The following BTG4 variants were observed in gnomAD, a reference collection of about 807,000 sequenced individuals.
BTG4 encodes BTG anti-proliferation factor 4, also known as protein BTG4.
In BTG4, 10 loss-of-function variants were observed where a neutral mutation model predicts 19.3. The ratio of observed to expected loss-of-function variants is 0.52; its 90% CI spans 0.32 to 0.88. BTG4 has a LOEUF of 0.88. Ranked by LOEUF, BTG4 falls within the 40% of genes least tolerant of loss-of-function variation. The pLI is 0.04. For missense variants in BTG4, 238 were observed against 281.9 expected (o/e 0.84, Z 1.11); for synonymous variants, 91 against 95.7 (o/e 0.95, Z 0.29).
At chr11:111,442,757 A>G in the BTG4 span, among the ~76,000 whole-genome samples, 3 of 152,186 alleles carry the variant, frequency 2.0e-5, no homozygotes, top group African/African-American at 4.8e-5. Flanking sequence ...ATGAATACCT[A>G]TAAGTCCATA....
the BTG4 span, among the ~76,000 whole-genome samples, chr11:111,407,278 T>C: frequency 6.6e-6 from 1 of 150,734 alleles, no homozygotes; most frequent in Non-Finnish European, 1.5e-5. Flanking sequence ...ATATATACTA[T>C]TATGAAAATG....
intron 1 of BTG4, among the ~76,000 whole-genome samples, chr11:111,506,148 C>T (rs1866441613): frequency 6.6e-6 from 1 of 152,096 alleles, no homozygotes; most frequent in Non-Finnish European, 1.5e-5. Flanking sequence ...GAAAAGAAAT[C>T]ATTATATCAA....
the BTG4 span, among the ~76,000 whole-genome samples, chr11:111,433,015 T>A: frequency 2.0e-5 from 3 of 152,096 alleles, no homozygotes; most frequent in African/African-American, 4.8e-5. Flanking sequence ...CTGTCTCCCC[T>A]GGAAGTAGTT....
the BTG4 span, chr11:111,435,110 GGAGGA>G: frequency 1.3e-5 from 2 of 152,236 alleles, no homozygotes; most frequent in African/African-American, 4.8e-5. Flanking sequence ...TACGTGCCCT[GGAGGA>G]TCTAAAATCC....
the BTG4 span, among the ~76,000 whole-genome samples, chr11:111,409,268 C>T: frequency 6.6e-6 from 1 of 152,264 alleles, no homozygotes; most frequent in Non-Finnish European, 1.5e-5. Flanking sequence ...TTTGACTCCA[C>T]TGAAACACAT....
At chr11:111,492,054 T>C (rs944028352), downstream of BTG4, among the ~76,000 whole-genome samples, 6 of 152,162 alleles carry the variant, frequency 3.9e-5, no homozygotes, top group South Asian at 2.1e-4. Flanking sequence ...CATTGTGGAA[T>C]TGGTTTCTTC....
At chr11:111,401,053 T>TAAAAAAAAAAAAAAAA in the BTG4 span, 2 of 82,152 alleles carry the variant, frequency 2.4e-5, no homozygotes. Context: ...ACCTGGAGCA[T>TAAAAAAAAAAAAAAAA]AAAAAAAAAA....
chr11:111,415,590 C>T, the BTG4 span, among the ~76,000 whole-genome samples: 1 of 152,148 alleles, frequency 6.6e-6, no homozygotes, highest in Non-Finnish European at 1.5e-5. Flanking sequence ...CTTATGGCCC[C>T]ACGTGACCTA....
intron 5 of BTG4, among the ~76,000 whole-genome samples, chr11:111,476,504 A>AC (rs1325010231): frequency 6.6e-6 from 1 of 152,176 alleles, no homozygotes; most frequent in African/African-American, 2.4e-5. Context: ...GCTATCAGGA[A>AC]CTTCTGCTCA....
At chr11:111,410,673 A>G in the BTG4 span, among the ~76,000 whole-genome samples, 1 of 152,208 alleles carries the variant, frequency 6.6e-6, no homozygotes, top group African/African-American at 2.4e-5. Flanking sequence ...GATGAAGTAG[A>G]AGATCCTTAA....
At chr11:111,498,205 A>G in intron 2 of BTG4, 70 bp from the exon 3 acceptor site, 2 of 1,552,386 alleles carry the variant, frequency 1.3e-6, no homozygotes, top group South Asian at 1.1e-5. Context: ...CATTATGCAC[A>G]TACTGTTCCA....
At chr11:111,456,456 T>C in the BTG4 span, 1 of 452,986 alleles carries the variant, frequency 2.2e-6, no homozygotes, top group Admixed American at 2.4e-5. The surrounding 1 kb of genome is among the most constrained non-coding windows in gnomAD (Gnocchi z 4.2). Context: ...TCCCCGCATG[T>C]TCCCTCTCCC....
downstream of BTG4, among the ~76,000 whole-genome samples, chr11:111,492,093 T>C (rs1218586423): frequency 2.0e-5 from 3 of 152,154 alleles, no homozygotes; most frequent in Non-Finnish European, 4.4e-5. Context: ...CAATTAATTA[T>C]AATGGTCATC....
At chr11:111,508,808 TAA>T (rs1375614495) in intron 1 of BTG4, among the ~76,000 whole-genome samples, 8 of 149,868 alleles carry the variant, frequency 5.3e-5, no homozygotes, top group African/African-American at 1.2e-4. Context: ...TCTATTACTA[TAA>T]GTTATATTAA....
chr11:111,500,123 C>G (rs982432156), intron 1 of BTG4, among the ~76,000 whole-genome samples: 18 of 151,268 alleles, frequency 1.2e-4, no homozygotes, highest in Non-Finnish European at 2.1e-4. Context: ...GACTGGGTGA[C>G]AGAGCAAGAC....
At chr11:111,465,616 C>A (rs1186515232), downstream of BTG4, among the ~76,000 whole-genome samples, 2 of 152,134 alleles carry the variant, frequency 1.3e-5, no homozygotes, top group African/African-American at 4.8e-5. Context: ...GGAATTCAAT[C>A]CCCAAGAGTC....
chr11:111,417,777 C>G, the BTG4 span: 1 of 152,384 alleles, frequency 6.6e-6, no homozygotes, highest in Admixed American at 6.5e-5. Context: ...GAAGCGTTCT[C>G]TCACTCACGC....
chr11:111,400,622 T>A, the BTG4 span, among the ~76,000 whole-genome samples: 1 of 152,222 alleles, frequency 6.6e-6, no homozygotes, highest in Non-Finnish European at 1.5e-5. Context: ...AAAGAAGCCT[T>A]CCTCTAGGAG....
the BTG4 span, among the ~76,000 whole-genome samples, chr11:111,400,579 A>G: frequency 6.6e-6 from 1 of 152,354 alleles, no homozygotes; most frequent in East Asian, 1.9e-4. Context: ...TATTCCCAAA[A>G]ACAAGACACA....
Sources: gnomAD v4.1 joint callset for allele counts (sites outside exome capture counted in the v4.1 genomes callset) on GRCh38, gnomAD v4.1.1 for gene constraint, Gnocchi (gnomAD v3.1) non-coding constraint, MANE v1.5 for transcripts, NCBI Gene and HGNC (gene_info 2026-07-23, HGNC 2026-07-21) for gene names.